The following TTC28 variants were observed in gnomAD, a reference collection of about 807,000 sequenced individuals.
TTC28 encodes the protein tetratricopeptide repeat protein 28.
In TTC28, 61 loss-of-function variants were observed where a neutral mutation model predicts 198.0. The observed-to-expected ratio is 0.31, with a 90% confidence interval of 0.25 to 0.38. The LOEUF is 0.38. TTC28 is among the 10% of genes least tolerant of loss of function. The pLI, the probability that TTC28 is intolerant of heterozygous loss-of-function variation, is 1.00. For synonymous variants in TTC28, 1,171 were observed against 1,297.8 expected, an observed-to-expected ratio of 0.90 and a Z score of 2.10; for missense variants, 2,678 against 3,164.0, an observed-to-expected ratio of 0.85 and a Z score of 3.69.
At chr22:28,093,536 A>T (rs1185833593) in intron 12 of TTC28, among the ~76,000 whole-genome samples, 1 of 152,240 alleles carries the variant, frequency 6.6e-6, no homozygotes, top group Non-Finnish European at 1.5e-5. Context: ...ATAGTCAATC[A>T]TTATGATAAA....
At chr22:28,679,562 G>A (rs1184038433) in intron 1 of TTC28, 60 bp downstream of exon 1, 7 of 1,140,298 alleles carry the variant, frequency 6.1e-6, no homozygotes, top group Non-Finnish European at 7.2e-6. Context: ...GCCCGGCCCG[G>A]CTCCCACCGC....
chr22:28,098,523 GC>G (rs1053105793), intron 10 of TTC28, among the ~76,000 whole-genome samples: 34 of 152,152 alleles, frequency 2.2e-4, no homozygotes, highest in Non-Finnish European at 3.7e-4. Flanking sequence ...ACCAGGCTGG[GC>G]AACATAGTGA....
intron 12 of TTC28, among the ~76,000 whole-genome samples, chr22:28,057,576 A>C (rs1157216976): frequency 6.6e-6 from 1 of 151,972 alleles, no homozygotes. Context: ...CATTTTCTTC[A>C]TGATGTATTT....
At chr22:28,057,303 A>T (rs1205786529) in intron 12 of TTC28, among the ~76,000 whole-genome samples, 1 of 152,134 alleles carries the variant, frequency 6.6e-6, no homozygotes, top group Non-Finnish European at 1.5e-5. Context: ...TTGTATTTTC[A>T]GTTTTTAAAA....
At chr22:28,533,845 C>T (rs1040511899) in intron 2 of TTC28, among the ~76,000 whole-genome samples, 12 of 152,274 alleles carry the variant, frequency 7.9e-5, no homozygotes, top group African/African-American at 2.6e-4. Context: ...GCTGGGAAAA[C>T]GGACTAGCCA....
chr22:28,219,539 T>C (rs1398347341), intron 5 of TTC28, among the ~76,000 whole-genome samples: 3 of 151,628 alleles, frequency 2.0e-5, no homozygotes, highest in Admixed American at 6.6e-5. Context: ...AGCCATTTCA[T>C]AGACCTACTG....
intron 12 of TTC28, among the ~76,000 whole-genome samples, chr22:28,035,300 C>T (rs542903042): frequency 5.9e-5 from 9 of 152,132 alleles, no homozygotes; most frequent in Non-Finnish European, 1.3e-4. Flanking sequence ...GTTTCCTGTG[C>T]ACAGGGCAGT....
In TTC28 at chr22:28,285,094, T is replaced by A. The variant is rs76943554; in HGVS notation, c.933+11104A>T. Among the ~76,000 whole-genome samples, 5 of 152,222 alleles carry A rather than the reference T, an allele frequency of 3.3e-5. No homozygotes were observed. The East Asian group carries it at 9.6e-4, about 29-fold the overall frequency. On this transcript the variant is annotated intron_variant, in intron 5 of 22. Transcript: ENST00000397906. ...CCAAGATATGGAAACAACCTAAGTGTCAGATGAATGGATTCAGAAAACGGA... is the reference window on the plus strand; with the variant it reads ...CCAAGATATGGAAACAACCTAAGTGACAGATGAATGGATTCAGAAAACGGA...
At chr22:28,366,714 A>T (rs2046252819) in intron 2 of TTC28, among the ~76,000 whole-genome samples, 1 of 152,102 alleles carries the variant, frequency 6.6e-6, no homozygotes, top group Non-Finnish European at 1.5e-5. Context: ...ACCTATAAAG[A>T]TACACATAGA....
chr22:28,371,362 T>C (rs189398020), intron 2 of TTC28, among the ~76,000 whole-genome samples: 291 of 146,972 alleles, frequency 2.0e-3, no homozygotes, highest in Non-Finnish European at 3.7e-3. Context: ...AAAAAAAAAT[T>C]AGCTGGGCGT....
At chr22:28,260,400 T>A (rs1220721925) in intron 5 of TTC28, among the ~76,000 whole-genome samples, 10 of 152,134 alleles carry the variant, frequency 6.6e-5, no homozygotes. Context: ...TTACATATGT[T>A]TATAAATGCA....
chr22:28,653,747 C>T (rs192403377), intron 1 of TTC28, among the ~76,000 whole-genome samples: 1 of 152,318 alleles, frequency 6.6e-6, no homozygotes, highest in Non-Finnish European at 1.5e-5. Flanking sequence ...CTCTACCGAT[C>T]TAATAAGCCA....
At chr22:28,563,518 G>A (rs1273464123) in intron 2 of TTC28, among the ~76,000 whole-genome samples, 1 of 152,030 alleles carries the variant, frequency 6.6e-6, no homozygotes, top group Non-Finnish European at 1.5e-5. Flanking sequence ...ATCCAAAGAA[G>A]ATAAACAGCA....
chr22:28,182,296 T>C (rs897165326), intron 5 of TTC28, among the ~76,000 whole-genome samples: 1 of 152,168 alleles, frequency 6.6e-6, no homozygotes, highest in Non-Finnish European at 1.5e-5. Context: ...CAGTCCACAC[T>C]TGCCAGCCAA....
At chr22:28,592,952 G>T (rs2050460607) in intron 2 of TTC28, among the ~76,000 whole-genome samples, 2 of 152,136 alleles carry the variant, frequency 1.3e-5, no homozygotes, top group African/African-American at 2.4e-5. Context: ...ATATTTCCCA[G>T]AATCCCTTTT....
intron 2 of TTC28, among the ~76,000 whole-genome samples, chr22:28,350,823 C>G (rs1320315133): frequency 6.6e-6 from 1 of 152,150 alleles, no homozygotes; most frequent in African/African-American, 2.4e-5. Flanking sequence ...AATCTATGCA[C>G]ACATAGAAAA....
At chr22:28,619,683 TCAAA>T (rs1464422264) in intron 2 of TTC28, among the ~76,000 whole-genome samples, 4 of 152,220 alleles carry the variant, frequency 2.6e-5, no homozygotes, top group African/African-American at 9.6e-5. Flanking sequence ...CAAAATGAAC[TCAAA>T]CTAACTTGTT....
chr22:28,547,898 A>G lies in TTC28; in HGVS notation c.381+81654T>C, dbSNP rs757493701. On this transcript the variant is annotated intron_variant, in intron 2 of 22. Coordinates refer to ENST00000397906, the MANE Select transcript of TTC28 (RefSeq NM_001145418.2). ...AGATTAAATAATTTTAAGTAAAGAC[A>G]TATTTACTCATAGTTTCTTAGCACT... is the stretch of plus-strand genomic sequence containing the variant. Among the ~76,000 whole-genome samples the G allele has an allele frequency of 3.4e-4, 51 of 152,046 alleles. 1 individual carries two copies. The highest frequency in any genetic ancestry group is 1.9e-3 in the South Asian group (9 of 4,808).
intron 6 of TTC28, among the ~76,000 whole-genome samples, chr22:28,162,618 T>G (rs559065482): frequency 1.3e-5 from 2 of 152,290 alleles, no homozygotes; most frequent in Admixed American, 1.3e-4. Context: ...ACAGGAAGAA[T>G]TGTGTGATTT....
Sources: gnomAD v4.1 joint callset for allele counts (sites outside exome capture counted in the v4.1 genomes callset) on GRCh38, gnomAD v4.1.1 for gene constraint, MANE v1.5 for transcripts, NCBI Gene and HGNC (gene_info 2026-07-23, HGNC 2026-07-21) for gene names.